The following PARD3 variants were observed in gnomAD, a reference collection of about 807,000 sequenced individuals.
PARD3 encodes the protein partitioning defective 3 homolog.
Under a neutral mutation model 155.4 loss-of-function variants are expected in PARD3, and 75 were observed. The observed-to-expected ratio is 0.48, with a 90% CI of 0.40 to 0.58. The LOEUF (loss-of-function observed/expected upper bound fraction) is 0.58, where lower values mean the gene tolerates loss of function less well. Ranked by LOEUF, PARD3 falls within the 20% of genes least tolerant of loss-of-function variation. The pLI is 0.00. For missense variants in PARD3, 1,642 were observed against 1,721.7 expected, an observed-to-expected ratio of 0.95 and a Z score of 0.82; for synonymous variants, 576 against 610.5, an observed-to-expected ratio of 0.94 and a Z score of 0.83.
chr10:34,337,546 T>A, intron 16 of PARD3, 120 bp from the exon 17 acceptor site: 1 of 460,146 alleles, frequency 2.2e-6, no homozygotes, highest in Non-Finnish European at 3.6e-6. Flanking sequence ...CAAGAAAAAT[T>A]CAACTAAATA....
At chr10:34,488,485 T>C (rs563009579) in intron 3 of PARD3, 1 of 151,906 alleles carries the variant, frequency 6.6e-6, no homozygotes, top group African/African-American at 2.4e-5. Flanking sequence ...AAATGAATCT[T>C]CATGGTACTA....
chr10:34,488,797 T>A (rs1263967052), intron 3 of PARD3: 1 of 154,910 alleles, frequency 6.5e-6, no homozygotes, highest in Non-Finnish European at 1.4e-5. Flanking sequence ...CCCTCGACGA[T>A]GCACTTCAAC....
At chr10:34,602,745 G>A (rs1247384381) in intron 2 of PARD3, among the ~76,000 whole-genome samples, 6 of 152,166 alleles carry the variant, frequency 3.9e-5, no homozygotes, top group Admixed American at 6.5e-5. Context: ...GGCCACAGGC[G>A]AGCCTTCTGG....
At chr10:34,405,739 A>G (rs181377370) in intron 5 of PARD3, among the ~76,000 whole-genome samples, 2 of 152,298 alleles carry the variant, frequency 1.3e-5, no homozygotes, top group African/African-American at 4.8e-5. Flanking sequence ...CACAACTCAT[A>G]GCCACACCGC....
At chr10:34,164,191 TA>T (rs563335782) in intron 22 of PARD3, among the ~76,000 whole-genome samples, 213 of 152,064 alleles carry the variant, frequency 1.4e-3, no homozygotes, top group African/African-American at 4.9e-3. Context: ...GAATTGGCCA[TA>T]AAAAAAACCT....
chr10:34,668,941 A>G (rs1038738991), intron 2 of PARD3, among the ~76,000 whole-genome samples: 1 of 152,216 alleles, frequency 6.6e-6, no homozygotes, highest in African/African-American at 2.4e-5. Context: ...ACAAATGTTT[A>G]CTGAATGCTT....
intron 2 of PARD3, among the ~76,000 whole-genome samples, chr10:34,673,302 C>A (rs2093641343): frequency 6.6e-6 from 1 of 152,170 alleles, no homozygotes; most frequent in Non-Finnish European, 1.5e-5. Context: ...ATAGCAAAAA[C>A]TTAAGGTGTT....
At chr10:34,668,340 G>A (rs778388041) in intron 2 of PARD3, among the ~76,000 whole-genome samples, 13 of 152,152 alleles carry the variant, frequency 8.5e-5, no homozygotes, top group African/African-American at 2.4e-4. Context: ...TTATAGTATT[G>A]TCTATCATGA....
At chr10:34,144,736 A>G (rs1948371729) in intron 22 of PARD3, among the ~76,000 whole-genome samples, 1 of 152,210 alleles carries the variant, frequency 6.6e-6, no homozygotes, top group Non-Finnish European at 1.5e-5. Context: ...CCCATCTTCC[A>G]CATCTTCCCA....
rs1396037549 is a variant in PARD3 at position 34,382,730 on chromosome 10, CT to C, written c.1208del (p.Gln403ArgfsTer6). 6.2e-7 allele frequency: 1 copy of C among 1,614,060 alleles called. No homozygotes were observed. The highest frequency in any genetic ancestry group is 8.5e-7 in the Non-Finnish European group (1 of 1,180,032). On this transcript the variant is annotated frameshift_variant, in exon 9 of 25. Coordinates refer to ENST00000374788, the MANE Select transcript of PARD3 (RefSeq NM_001184785.2). LOFTEE classifies it high-confidence loss of function. ...SVNSAGLHTV[Q>X]RAPRLNHPPE... ...GCGGGTGGTTCAGTCGGGGTGCTCTCTGCACCGTGTGAAGCCCTGCACTGTT... is the reference window on the plus strand; with the variant it reads ...GCGGGTGGTTCAGTCGGGGTGCTCTCGCACCGTGTGAAGCCCTGCACTGTT...
chr10:34,614,761 C>T (rs1443632647), intron 2 of PARD3, among the ~76,000 whole-genome samples: 2 of 152,112 alleles, frequency 1.3e-5, no homozygotes, highest in Non-Finnish European at 2.9e-5. Flanking sequence ...ACACCAAGGA[C>T]ATTCTTCACA....
At chr10:34,141,517 C>T (rs1318028021) in intron 22 of PARD3, among the ~76,000 whole-genome samples, 1 of 152,154 alleles carries the variant, frequency 6.6e-6, no homozygotes. Flanking sequence ...TCTCCAGATG[C>T]TTTATGGATC....
intron 4 of PARD3, among the ~76,000 whole-genome samples, chr10:34,452,938 C>T (rs776512246): frequency 2.0e-5 from 3 of 152,268 alleles, no homozygotes; most frequent in East Asian, 3.9e-4. Flanking sequence ...TTTTGGTCCT[C>T]GGCCATAAAC....
chr10:34,410,657 C>A (rs1466432448), intron 5 of PARD3, among the ~76,000 whole-genome samples: 1 of 152,212 alleles, frequency 6.6e-6, no homozygotes, highest in Non-Finnish European at 1.5e-5. Context: ...GTTCATTTCA[C>A]AACTTTTATT....
chr10:34,368,432 G>A (rs376376603), intron 12 of PARD3, among the ~76,000 whole-genome samples: 14 of 152,228 alleles, frequency 9.2e-5, no homozygotes, highest in African/African-American at 3.1e-4. Flanking sequence ...CAGCACTTTG[G>A]GAGGCCGAGG....
chr10:34,769,779 C>CGAACGAACAAAA lies in PARD3; in HGVS notation c.120+45096_120+45097insTTTTGTTCGTTC, dbSNP rs1564601026. Among the ~76,000 whole-genome samples, 3 of 107,724 alleles carry CGAACGAACAAAA rather than the reference C, an allele frequency of 2.8e-5. 1 individual carries two copies. The highest frequency in any genetic ancestry group is 5.9e-4 in the East Asian group (2 of 3,412). 70.7% of individuals were successfully genotyped at this position (107,724 alleles called of 152,430 possible). On this transcript the variant is annotated intron_variant, in intron 1 of 24. Transcript: ENST00000374788. Reference sequence around the variant, plus strand: ...CCATGTCTTTAAAAAAACAAACAAACAAACAAACGAACAAAAAAACAAAAC... The same window carrying CGAACGAACAAAA: ...CCATGTCTTTAAAAAAACAAACAAACGAACGAACAAAAAAACAAACGAACAAAAAAACAAAAC...
intron 22 of PARD3, among the ~76,000 whole-genome samples, chr10:34,250,653 TTTCCAAGC>T (rs1208230437): frequency 7.3e-6 from 1 of 137,372 alleles, no homozygotes; most frequent in Non-Finnish European, 1.5e-5. Context: ...TTGTTTATCA[TTTCCAAGC>T]TGGAAATAAA....
chr10:34,742,325 AT>A (rs914246963), intron 1 of PARD3, among the ~76,000 whole-genome samples: 1 of 152,244 alleles, frequency 6.6e-6, no homozygotes, highest in African/African-American at 2.4e-5. Flanking sequence ...GATAAATATC[AT>A]AATGCAACAA....
intron 2 of PARD3, among the ~76,000 whole-genome samples, chr10:34,654,333 G>A (rs1018396531): frequency 2.6e-5 from 4 of 152,060 alleles, no homozygotes; most frequent in Non-Finnish European, 5.9e-5. Context: ...CCATGCAATC[G>A]GTACAATTGT....
Sources: allele counts gnomAD v4.1 joint callset (sites outside exome capture counted in the v4.1 genomes callset), GRCh38; gene constraint gnomAD v4.1.1; transcripts MANE v1.5; gene names NCBI Gene and HGNC (gene_info 2026-07-23, HGNC 2026-07-21).